RBMS3: variants seen among roughly 807,000 people sequenced by gnomAD.
The protein encoded by RBMS3 is RNA-binding motif, single-stranded-interacting protein 3.
In RBMS3, 27 loss-of-function variants were observed where a neutral mutation model predicts 66.8. The observed-to-expected ratio is 0.40, with a 90% CI of 0.30 to 0.56. The LOEUF is 0.56. Among genes scored for constraint, RBMS3 ranks in the 20% least tolerant of loss-of-function variants. The pLI is 0.40. For synonymous variants in RBMS3, 188 were observed against 183.0 expected, an observed-to-expected ratio of 1.03 and a Z score of -0.22; for missense variants, 513 against 549.5, an observed-to-expected ratio of 0.93 and a Z score of 0.66.
intron 12 of RBMS3, among the ~76,000 whole-genome samples, chr3:29,964,802 A>G (rs1696720706): frequency 6.6e-6 from 1 of 151,960 alleles, no homozygotes; most frequent in Admixed American, 6.6e-5. Flanking sequence ...GATTTGTGAA[A>G]TTTTGGTGCA....
intron 4 of RBMS3, among the ~76,000 whole-genome samples, chr3:29,680,925 C>T (rs1331392793): frequency 6.6e-6 from 1 of 152,132 alleles, no homozygotes; most frequent in Admixed American, 6.5e-5. Context: ...ATGTATTTAC[C>T]TGTGTAACTT....
At chr3:29,386,887 C>T (rs1203944449) in intron 1 of RBMS3, among the ~76,000 whole-genome samples, 1 of 152,168 alleles carries the variant, frequency 6.6e-6, no homozygotes, top group African/African-American at 2.4e-5. Context: ...TTTATGTTGC[C>T]AGATCCAATG....
intron 7 of RBMS3, among the ~76,000 whole-genome samples, chr3:29,869,601 C>T (rs1323537899): frequency 1.3e-5 from 2 of 152,120 alleles, no homozygotes; most frequent in African/African-American, 4.8e-5. Flanking sequence ...TATCCATTTA[C>T]CCTCAATACA....
chr3:29,292,737 TAAAATA>T (rs1374930334), intron 1 of RBMS3, among the ~76,000 whole-genome samples: 1 of 151,630 alleles, frequency 6.6e-6, no homozygotes, highest in Non-Finnish European at 1.5e-5. Flanking sequence ...GGAAGAAAGA[TAAAATA>T]AAGAGAAGAA....
intron 6 of RBMS3, among the ~76,000 whole-genome samples, chr3:29,779,284 T>A (rs977253018): frequency 6.6e-6 from 1 of 150,438 alleles, no homozygotes; most frequent in African/African-American, 2.4e-5. Context: ...TGTGTGTGTG[T>A]ATATATATGT....
intron 12 of RBMS3, among the ~76,000 whole-genome samples, chr3:29,954,920 G>C (rs1174957227): frequency 1.3e-5 from 2 of 152,018 alleles, no homozygotes; most frequent in Non-Finnish European, 2.9e-5. Flanking sequence ...ACAATTAGGA[G>C]TTACCTTAGT....
chr3:29,991,248 AGCCATCTTGACATCACTC>A (rs1698857201), intron 14 of RBMS3, 39 bp downstream of exon 14: 10 of 1,613,440 alleles, frequency 6.2e-6, no homozygotes, highest in Non-Finnish European at 7.6e-6. Flanking sequence ...CCTCAAGATC[AGCCATCTTGACATCACTC>A]TCTCATGTTG....
At chr3:29,523,534 T>C (rs551345908) in intron 3 of RBMS3, among the ~76,000 whole-genome samples, 18 of 152,206 alleles carry the variant, frequency 1.2e-4, no homozygotes, top group African/African-American at 3.9e-4. Flanking sequence ...ATATCTTCAT[T>C]GGACATCTCC....
chr3:29,843,929 G>A (rs1205715856), intron 6 of RBMS3, among the ~76,000 whole-genome samples: 2 of 151,690 alleles, frequency 1.3e-5, no homozygotes, highest in African/African-American at 2.4e-5. Context: ...TCCAGCCTGG[G>A]AGACAGAATG....
chr3:29,557,689 C>T (rs985727982), intron 3 of RBMS3, among the ~76,000 whole-genome samples: 25 of 152,132 alleles, frequency 1.6e-4, no homozygotes, highest in Non-Finnish European at 2.1e-4. Flanking sequence ...ATATTTAGAG[C>T]ATACAGGTGG....
chr3:29,802,543 G>A (rs75761384), intron 6 of RBMS3, among the ~76,000 whole-genome samples: 6,758 of 152,134 alleles, frequency 0.044, 230 homozygotes, highest in Non-Finnish European at 0.069. Context: ...AACATGCATC[G>A]TCCAAAGAAC....
At chr3:29,750,427 CAAT>C (rs1439551109) in intron 5 of RBMS3, among the ~76,000 whole-genome samples, 7 of 152,070 alleles carry the variant, frequency 4.6e-5, no homozygotes, top group African/African-American at 1.2e-4. Context: ...TGGCATAAAA[CAAT>C]GTAATATAAT....
chr3:29,703,926 G>A (rs1242834019), intron 4 of RBMS3, among the ~76,000 whole-genome samples: 1 of 152,156 alleles, frequency 6.6e-6, no homozygotes. Context: ...CCTCCTGTCA[G>A]ATCAGTGGCA....
intron 3 of RBMS3, among the ~76,000 whole-genome samples, chr3:29,490,086 A>C (rs995014953): frequency 3.3e-5 from 5 of 150,982 alleles, no homozygotes; most frequent in Admixed American, 6.6e-5. Flanking sequence ...GGACAGAAAC[A>C]AGAAAGGGGT....
chr3:29,534,334 C>T (rs1017725988), intron 3 of RBMS3, among the ~76,000 whole-genome samples: 1 of 152,210 alleles, frequency 6.6e-6, no homozygotes, highest in Non-Finnish European at 1.5e-5. Context: ...TAGCCAGATA[C>T]GTCATGCCTC....
chr3:29,473,563 T>A (rs2125804285), intron 2 of RBMS3, among the ~76,000 whole-genome samples: 1 of 152,206 alleles, frequency 6.6e-6, no homozygotes, highest in East Asian at 1.9e-4. Context: ...GGGGTGGCGC[T>A]CGTTGGGGAG....
intron 10 of RBMS3, among the ~76,000 whole-genome samples, chr3:29,900,027 A>G (rs550472682): frequency 6.6e-6 from 1 of 151,876 alleles, no homozygotes; most frequent in South Asian, 2.1e-4. Flanking sequence ...CTTTATTAGA[A>G]GAAATAGCAA....
At chr3:29,633,576 A>G (rs1342390862) in intron 4 of RBMS3, among the ~76,000 whole-genome samples, 1 of 151,798 alleles carries the variant, frequency 6.6e-6, no homozygotes, top group Non-Finnish European at 1.5e-5. Flanking sequence ...TAGGGCTTCC[A>G]GCTTGTTTTT....
chr3:29,792,132 A>G (rs2057032231), intron 6 of RBMS3, among the ~76,000 whole-genome samples: 1 of 152,212 alleles, frequency 6.6e-6, no homozygotes, highest in South Asian at 2.1e-4. Context: ...ACTGTTCACT[A>G]TATAACACTA....
Sources: gnomAD v4.1 joint callset for allele counts (sites outside exome capture counted in the v4.1 genomes callset) on GRCh38, gnomAD v4.1.1 for gene constraint, MANE v1.5 for transcripts, NCBI Gene and HGNC (gene_info 2026-07-23, HGNC 2026-07-21) for gene names.